SLC1A4: variants seen among roughly 807,000 people sequenced by gnomAD.
SLC1A4 encodes solute carrier family 1 member 4.
Under a neutral mutation model 37.7 loss-of-function variants are expected in SLC1A4, and 19 were observed. The observed-to-expected ratio is 0.50, with a 90% CI of 0.35 to 0.74. The LOEUF (loss-of-function observed/expected upper bound fraction) is 0.74, where lower values mean the gene tolerates loss of function less well. SLC1A4 is among the 30% of genes least tolerant of loss of function. SLC1A4 has a pLI of 0.01. For synonymous variants in SLC1A4, 299 were observed against 309.8 expected, an observed-to-expected ratio of 0.97 and a Z score of 0.37; for missense variants, 570 against 712.9, an observed-to-expected ratio of 0.80 and a Z score of 2.28.
rs17029749 is a variant in SLC1A4, at chr2:65,019,294, A to G, written c.1364+615A>G. 9.8e-4 allele frequency among the ~76,000 whole-genome samples: 149 copies of G among 152,304 alleles called. 4 individuals are homozygous for G. The East Asian group carries it at 0.021, about 22-fold the overall frequency. On this transcript the variant is annotated intron_variant, in intron 7 of 7. Transcript: ENST00000234256. ...TATAGGGAAGGCTGCCTGAGGTACT[A>G]AAGTTGAGACAGTAGAGCCTGTGGG...
chr2:65,011,433 A>AT (rs563039294), intron 4 of SLC1A4: 8,820 of 141,810 alleles, frequency 0.062, 302 homozygotes, highest in Middle Eastern at 0.15. Flanking sequence ...TACCCAGCTA[A>AT]TTTTTTTTTT....
intron 3 of SLC1A4, among the ~76,000 whole-genome samples, chr2:65,006,637 G>A (rs1043786672): frequency 1.3e-5 from 2 of 152,052 alleles, no homozygotes; most frequent in African/African-American, 4.8e-5. Flanking sequence ...ATTGGTGACA[G>A]AATGAAAAGT....
chr2:64,989,603 A>C lies in SLC1A4; in HGVS notation c.-41A>C. 7.0e-7 allele frequency: 1 copy of C among 1,437,032 alleles called. No individual in the cohort carries two copies. Among genetic ancestry groups the C allele is most frequent in the Non-Finnish European group, 9.1e-7 (1 of 1,097,244 alleles). The allele number at this position is 1,437,032 out of a possible 1,614,324, so 89.0% of individuals were successfully genotyped here. ...GGAACCCCGTCTTTTGCCAGAGCCCACGTCCCCTGCCACCTCTAGCTCGGA... is the reference window on the plus strand; with the variant it reads ...GGAACCCCGTCTTTTGCCAGAGCCCCCGTCCCCTGCCACCTCTAGCTCGGA... On this transcript the variant is annotated 5_prime_UTR_variant, in exon 1 of 8. Coordinates refer to ENST00000234256, the MANE Select transcript of SLC1A4 (RefSeq NM_003038.5).
chr2:65,007,220 A>G (rs1280513046), intron 3 of SLC1A4, among the ~76,000 whole-genome samples: 1 of 152,194 alleles, frequency 6.6e-6, no homozygotes, highest in Non-Finnish European at 1.5e-5. Context: ...AGCCAGTGAT[A>G]GGCACCAAGA....
At chr2:64,993,969 G>A (rs760074508) in intron 1 of SLC1A4, among the ~76,000 whole-genome samples, 10 of 152,168 alleles carry the variant, frequency 6.6e-5, no homozygotes, top group Admixed American at 2.6e-4. Flanking sequence ...CCCTCTTTCC[G>A]TAACCTGAAA....
rs532745902 is a variant in SLC1A4 at position 65,007,768 on chromosome 2, G to A, written c.634-2829G>A. On this transcript the variant is annotated intron_variant, in intron 3 of 7. Coordinates refer to ENST00000234256, the MANE Select transcript of SLC1A4 (RefSeq NM_003038.5). Reference sequence around the variant, plus strand: ...ATAATGTAATACATTAATATAATTTGCAAAGATCAAATCAGTGTACTTGGG... The same window carrying A: ...ATAATGTAATACATTAATATAATTTACAAAGATCAAATCAGTGTACTTGGG... Among the ~76,000 whole-genome samples the A allele has an allele frequency of 7.6e-4, 115 of 152,276 alleles. No homozygotes were observed. In the Middle Eastern group the frequency reaches 0.01, roughly 14 times the overall value.
At chr2:65,008,804 A>T (rs1435412344) in intron 3 of SLC1A4, among the ~76,000 whole-genome samples, 1 of 152,214 alleles carries the variant, frequency 6.6e-6, no homozygotes. Context: ...ACACAGTCTA[A>T]GTACTTTACA....
chr2:65,004,824 A>G (rs1053892737), intron 3 of SLC1A4, among the ~76,000 whole-genome samples: 3 of 152,228 alleles, frequency 2.0e-5, no homozygotes, highest in African/African-American at 7.2e-5. Context: ...AAAAGCAGTG[A>G]GATAGAAGTC....
rs189823702 is a variant in SLC1A4 at position 65,016,638 on chromosome 2, C to T, written c.999C>T (p.Leu333=). 815 of 1,614,154 alleles carry T rather than the reference C, an allele frequency of 5.0e-4. 1 individual carries two copies. Among genetic ancestry groups the T allele is most frequent in the Non-Finnish European group, 6.0e-4 (707 of 1,180,012 alleles). Residue 333 remains leucine, a synonymous_variant, in exon 5 of 8, where the codon CTC becomes CTT. Coordinates refer to ENST00000234256, the MANE Select transcript of SLC1A4 (RefSeq NM_003038.5). ...CATTCAGATTCCTCCTGGGCCTCCT[C>T]GCCCCATTTGCGACAGCATTTGCTA... The part of the protein sequence containing the change: ...KNPFRFLLGL[L]APFATAFATC...
chr2:65,016,729 T>A lies in SLC1A4; in HGVS notation c.1034+56T>A. ...TGAGCCATGTTAACATGGAACCAGGTGAGCCCAGTGGTAGATGCACAACCA... is the reference window on the plus strand; with the variant it reads ...TGAGCCATGTTAACATGGAACCAGGAGAGCCCAGTGGTAGATGCACAACCA... On this transcript the variant is annotated intron_variant, in intron 5 of 7. Transcript: ENST00000234256. The A allele has an allele frequency of 6.0e-6, 7 of 1,160,080 alleles. No homozygotes were observed. In the South Asian group the frequency reaches 7.3e-5, roughly 12 times the overall value. The allele number at this position is 1,160,080 out of a possible 1,614,324, so 71.9% of individuals were successfully genotyped here.
chr2:65,016,554 T>G lies in SLC1A4; in HGVS notation c.915T>G (p.His305Gln). 2.5e-6 allele frequency: 4 copies of G among 1,614,184 alleles called. No individual in the cohort carries two copies. The highest frequency in any genetic ancestry group is 3.4e-6 in the Non-Finnish European group (4 of 1,180,006). ...ACATCTTCGCATCTATATTGGGCCA[T>G]GTTATTCATGGAGGAATTGTTCTGC... The part of the protein sequence containing the change: ...GKYIFASILG[H>Q]VIHGGIVLPL... The change falls in exon 5 of 8, where the codon CAT becomes CAG. Residue 305 changes from histidine (H) to glutamine (Q), a missense_variant. Physicochemically the swap from His to Gln is conservative, Grantham distance 24 (BLOSUM62 0). Coordinates refer to ENST00000234256, the MANE Select transcript of SLC1A4 (RefSeq NM_003038.5).
intron 3 of SLC1A4, among the ~76,000 whole-genome samples, chr2:65,008,544 G>A (rs905830408): frequency 6.6e-6 from 1 of 152,158 alleles, no homozygotes; most frequent in African/African-American, 2.4e-5. Flanking sequence ...AGGAGGCTGA[G>A]GTAAGAGGAT....
intron 4 of SLC1A4, among the ~76,000 whole-genome samples, chr2:65,013,546 C>A (rs904383004): frequency 6.6e-6 from 1 of 152,192 alleles, no homozygotes; most frequent in African/African-American, 2.4e-5. Context: ...AATCTGGAAA[C>A]CAGTTTAGTC....
upstream of SLC1A4, chr2:64,989,341 GC>G (rs1325449555): frequency 7.6e-6 from 2 of 262,122 alleles, no homozygotes; most frequent in Non-Finnish European, 1.4e-5. Flanking sequence ...GGCTGGGGCC[GC>G]TGGCGCGCCC....
chr2:64,996,320 C>T (rs2300547), intron 1 of SLC1A4, among the ~76,000 whole-genome samples: 21,806 of 152,158 alleles, frequency 0.14, 1,565 homozygotes, highest in East Asian at 0.22. Flanking sequence ...AGCCAATACA[C>T]TGATTTAATG....
chr2:65,003,439 C>T (rs1673554138), intron 2 of SLC1A4, among the ~76,000 whole-genome samples: 1 of 152,228 alleles, frequency 6.6e-6, no homozygotes, highest in Non-Finnish European at 1.5e-5. Context: ...CATCTTGCCT[C>T]ACATCCCTGG....
chr2:65,008,904 A>G (rs1010472394), intron 3 of SLC1A4, among the ~76,000 whole-genome samples: 22 of 152,254 alleles, frequency 1.4e-4, no homozygotes, highest in African/African-American at 5.1e-4. Context: ...AGTCACAAAG[A>G]CGTTAAGTAA....
intron 3 of SLC1A4, among the ~76,000 whole-genome samples, chr2:65,006,724 A>G (rs1673690734): frequency 6.6e-6 from 1 of 151,856 alleles, no homozygotes; most frequent in Non-Finnish European, 1.5e-5. Flanking sequence ...GGATTGCTTG[A>G]AGCCAGAAAT....
chr2:65,003,393 T>C (rs1051498309), intron 2 of SLC1A4, among the ~76,000 whole-genome samples: 1 of 152,234 alleles, frequency 6.6e-6, no homozygotes, highest in Non-Finnish European at 1.5e-5. Context: ...TCACTTCTGA[T>C]AACTGAGTCC....
Sources: gnomAD v4.1 joint callset for allele counts (sites outside exome capture counted in the v4.1 genomes callset) on GRCh38, gnomAD v4.1.1 for gene constraint, MANE v1.5 for transcripts, NCBI Gene and HGNC (gene_info 2026-07-23, HGNC 2026-07-21) for gene names.